Variants in GSE1 observed in about 807,000 individuals in gnomAD.
GSE1 encodes the protein genetic suppressor element 1.
GSE1 carries 32 observed loss-of-function variants against 112.6 expected under a neutral mutation model. The observed-to-expected ratio is 0.28, with a 90% confidence interval of 0.21 to 0.38. The LOEUF (loss-of-function observed/expected upper bound fraction) is 0.38. Among genes scored for constraint, GSE1 ranks in the 10% least tolerant of loss-of-function variants. The pLI is 1.00. For missense variants in GSE1, 2,348 were observed against 1,699.2 expected, an observed-to-expected ratio of 1.38 and a Z score of -6.71; for synonymous variants, 1,115 against 735.6, an observed-to-expected ratio of 1.52 and a Z score of -8.35.
At chr16:85,208,514 C>A (rs1056420715) in intron 1 of GSE1, among the ~76,000 whole-genome samples, 1 of 152,200 alleles carries the variant, frequency 6.6e-6, no homozygotes, top group African/African-American at 2.4e-5. Flanking sequence ...AGGTCCTCGT[C>A]CCCCACACCA....
intron 1 of GSE1, among the ~76,000 whole-genome samples, chr16:85,628,527 G>C (rs760385975): frequency 1.3e-5 from 2 of 152,122 alleles, no homozygotes; most frequent in African/African-American, 2.4e-5. Context: ...GGAGCAGGCA[G>C]AGGGCCTCCC....
intron 1 of GSE1, among the ~76,000 whole-genome samples, chr16:85,589,692 T>G (rs888061814): frequency 3.3e-5 from 5 of 151,974 alleles, no homozygotes; most frequent in Non-Finnish European, 5.9e-5. Flanking sequence ...AATGTGAACG[T>G]GAGATATTGT....
At chr16:85,609,314 G>C (rs992770075), upstream of GSE1, among the ~76,000 whole-genome samples, 1 of 152,210 alleles carries the variant, frequency 6.6e-6, no homozygotes, top group African/African-American at 2.4e-5. Flanking sequence ...TCATACCTCA[G>C]CCTCAGACTC....
At chr16:85,268,277 A>G (rs1192360260) in intron 1 of GSE1, among the ~76,000 whole-genome samples, 2 of 151,738 alleles carry the variant, frequency 1.3e-5, no homozygotes, top group Non-Finnish European at 2.9e-5. Context: ...GCATAATTTC[A>G]CACACAGCAT....
rs1307080028 is a variant in GSE1 at position 85,574,951 on chromosome 16, G to A, written c.37+18588G>A. ...CTTTAGATTGAGCCAGCTTGTCTTC[G>A]CACCCTCCCGACAAGGCCGGGCAGC... On this transcript the variant is annotated intron_variant, in intron 1 of 2. Coordinates refer to the GSE1 transcript ENST00000635906. Among the ~76,000 whole-genome samples, 26 of 152,142 alleles carry A rather than the reference G, an allele frequency of 1.7e-4. 1 individual carries two copies. The highest frequency in any genetic ancestry group is 1.6e-3 in the Admixed American group (25 of 15,276).
intron 1 of GSE1, among the ~76,000 whole-genome samples, chr16:85,625,384 C>A (rs2049003258): frequency 6.6e-6 from 1 of 152,220 alleles, no homozygotes; most frequent in South Asian, 2.1e-4. Context: ...TAGGAGGCTG[C>A]TGTCCGCGGG....
rs761085264 is a variant in GSE1 at position 85,654,806 on chromosome 16, C to T, written c.612C>T (p.Pro204=). 17 of 1,609,986 alleles carry T rather than the reference C, an allele frequency of 1.1e-5. No individual in the cohort carries two copies. The highest frequency in any genetic ancestry group is 8.3e-5 in the Admixed American group (5 of 59,912). Residue 204 remains proline, a synonymous_variant, in exon 5 of 16, where the codon CCC becomes CCT. Transcript: ENST00000253458. ...TCCCCGCCTGCAGCCTCCAGCGGCC[C>T]GTGCACCACGTGGTGCCCCCCAGTA... ...SRFPPLNLQR[P]VHHVVPPSTV...
At position 85,666,040 on chromosome 16, in the gene GSE1, T is replaced by C. The variant is rs745642721; in HGVS notation, c.2823T>C (p.Ser941=). The C allele has an allele frequency of 1.2e-6, 2 of 1,613,702 alleles. No individual in the cohort carries two copies. Among genetic ancestry groups the C allele is most frequent in the East Asian group, 4.5e-5 (2 of 44,882 alleles). ...EKPVGVAASL[S]DIPKAAEPGK... ...CGGTTGGTGTTGCTGCTTCCTTGTC[T>C]GACATCCCAAAGGCCGCGGAGCCTG... The change falls in exon 13 of 16, where the codon TCT becomes TCC. Residue 941 remains serine, a synonymous_variant. Transcript: ENST00000253458.
intron 3 of GSE1, among the ~76,000 whole-genome samples, chr16:85,653,788 G>A (rs1598609092): frequency 6.6e-6 from 1 of 152,336 alleles, no homozygotes; most frequent in East Asian, 1.9e-4. Context: ...GTGGGCACCA[G>A]GGCCAGGACA....
intron 1 of GSE1, among the ~76,000 whole-genome samples, chr16:85,629,435 C>T (rs531109407): frequency 2.6e-5 from 4 of 152,264 alleles, no homozygotes; most frequent in South Asian, 2.1e-4. Flanking sequence ...TCCCCTTTTG[C>T]GGTAGCATGT....
Position 85,419,139 on chromosome 16 carries a change from AG to A in GSE1, c.2464+61497del, listed in dbSNP as rs1364296698. Among the ~76,000 whole-genome samples the A allele has an allele frequency of 5.9e-5, 9 of 152,120 alleles. No individual in the cohort carries two copies. The highest frequency in any genetic ancestry group is 3.9e-4 in the Admixed American group (6 of 15,286). Reference sequence around the variant, plus strand: ...AGACTGGGGAGACACCTTGGGAGTGAGTGACGTGATGGGAGCCCAGGCACCG... The same window carrying A: ...AGACTGGGGAGACACCTTGGGAGTGATGACGTGATGGGAGCCCAGGCACCG... On this transcript the variant is annotated intron_variant, in intron 2 of 2. Coordinates refer to the GSE1 transcript ENST00000637419. This position sits in a 1 kb window ranked among gnomAD's most constrained non-coding sequence, Gnocchi z 6.5.
At chr16:85,666,454 AT>A in intron 13 of GSE1, 107 bp downstream of exon 13, 2 of 982,704 alleles carry the variant, frequency 2.0e-6, no homozygotes, top group Admixed American at 2.2e-5. Context: ...ACAAGTTTTT[AT>A]AAACTCCAAT....
intron 1 of GSE1, among the ~76,000 whole-genome samples, chr16:85,182,415 C>T (rs1176366391): frequency 6.6e-6 from 1 of 152,206 alleles, no homozygotes; most frequent in African/African-American, 2.4e-5. Flanking sequence ...AAGGCAGCAC[C>T]CAGACAAGGT....
chr16:85,356,337 T>G (rs909708596), intron 1 of GSE1, among the ~76,000 whole-genome samples: 1 of 152,250 alleles, frequency 6.6e-6, no homozygotes, highest in African/African-American at 2.4e-5. Flanking sequence ...GGCTGCACCC[T>G]TGCAGTCCTG....
At chr16:85,527,998 C>T (rs984730015) in intron 2 of GSE1, among the ~76,000 whole-genome samples, 1 of 152,130 alleles carries the variant, frequency 6.6e-6, no homozygotes, top group African/African-American at 2.4e-5. Flanking sequence ...CAGCAGTTCA[C>T]GGCAGAGGGA....
chr16:85,295,436 C>T (rs553420500), intron 1 of GSE1, among the ~76,000 whole-genome samples: 23 of 152,380 alleles, frequency 1.5e-4, no homozygotes, highest in African/African-American at 5.0e-4. Flanking sequence ...CCACCGTGCG[C>T]GTAGACCGCG....
upstream of GSE1, chr16:85,554,873 C>A: frequency 1.0e-6 from 1 of 985,234 alleles, no homozygotes; most frequent in Non-Finnish European, 1.2e-6. Flanking sequence ...CGCAGCCGCC[C>A]ACTGTTTGCA....
chr16:85,211,298 GGTTTTTTTTTTTT>G (rs2143658056), intron 1 of GSE1, among the ~76,000 whole-genome samples: 2 of 151,382 alleles, frequency 1.3e-5, no homozygotes, highest in African/African-American at 4.9e-5. Flanking sequence ...TCAGGCTTGT[GGTTTTTTTTTTTT>G]GTTTTTTTTT....
intron 1 of GSE1, among the ~76,000 whole-genome samples, chr16:85,183,002 T>C (rs1474379031): frequency 1.3e-5 from 2 of 152,182 alleles, no homozygotes; most frequent in African/African-American, 4.8e-5. Flanking sequence ...GCATACTCAC[T>C]GTTACACATG....
Sources: allele counts gnomAD v4.1 joint callset (sites outside exome capture counted in the v4.1 genomes callset), GRCh38; gene constraint gnomAD v4.1.1; non-coding constraint Gnocchi (gnomAD v3.1); transcripts MANE v1.5; gene names NCBI Gene and HGNC (gene_info 2026-07-23, HGNC 2026-07-21).